The following DPYSL5 variants were observed in gnomAD, a reference collection of about 807,000 sequenced individuals.
DPYSL5 encodes dihydropyrimidinase-related protein 5.
DPYSL5 carries 9 observed loss-of-function variants against 58.4 expected under a neutral mutation model. The ratio of observed to expected loss-of-function variants is 0.15; its 90% CI spans 0.09 to 0.27. The LOEUF (loss-of-function observed/expected upper bound fraction) is 0.27, where lower values mean the gene tolerates loss of function less well. DPYSL5 is among the 10% of genes least tolerant of loss of function. The pLI is 1.00. For missense variants in DPYSL5, 499 were observed against 770.6 expected (o/e 0.65, Z 4.17); for synonymous variants, 293 against 301.9 (o/e 0.97, Z 0.31).
At chr2:26,873,893 A>C (rs1298883163) in intron 1 of DPYSL5, among the ~76,000 whole-genome samples, 1 of 152,212 alleles carries the variant, frequency 6.6e-6, no homozygotes, top group Non-Finnish European at 1.5e-5. Context: ...CTTAACAGCT[A>C]TCTGGGCATC....
At chr2:26,857,552 GA>G (rs1418446757) in intron 1 of DPYSL5, among the ~76,000 whole-genome samples, 1 of 150,148 alleles carries the variant, frequency 6.7e-6, no homozygotes, top group Non-Finnish European at 1.5e-5. Flanking sequence ...AAAAAAAAAA[GA>G]AAAAAAATCC....
At chr2:26,906,586 C>T (rs1428681491) in intron 2 of DPYSL5, among the ~76,000 whole-genome samples, 2 of 152,176 alleles carry the variant, frequency 1.3e-5, no homozygotes, top group African/African-American at 4.8e-5. Context: ...ATCTTATTCA[C>T]AAGATCCCTC....
rs1012336776 is a variant in DPYSL5, at chr2:26,858,450, C to T, written c.-5+10196C>T. 4.6e-5 allele frequency among the ~76,000 whole-genome samples: 7 copies of T among 152,300 alleles called. No homozygotes were observed. The East Asian group carries it at 1.2e-3, about 25-fold the overall frequency. On this transcript the variant is annotated intron_variant, in intron 1 of 12. Transcript: ENST00000288699. ...CCTCCCAAAGTGCTGGGATTACAGG[C>T]GTGAGCCACCGCACCCAGCCCAGAC...
chr2:26,937,779 T>TTTGA (rs1283855190), intron 8 of DPYSL5, among the ~76,000 whole-genome samples: 1 of 151,830 alleles, frequency 6.6e-6, no homozygotes, highest in East Asian at 1.9e-4. Flanking sequence ...TGTTTGTTTG[T>TTTGA]TGAGCCAGGG....
intron 1 of DPYSL5, among the ~76,000 whole-genome samples, chr2:26,874,481 G>A (rs189874584): frequency 1.1e-3 from 171 of 152,126 alleles, no homozygotes; most frequent in Non-Finnish European, 1.6e-3. Context: ...ACTCTTTCCC[G>A]CATTGAATTA....
At chr2:26,866,729 CTTCT>C (rs1199798600) in intron 1 of DPYSL5, among the ~76,000 whole-genome samples, 1,775 of 147,258 alleles carry the variant, frequency 0.012, 32 homozygotes, top group African/African-American at 0.043. Context: ...AAAAATTCTT[CTTCT>C]TTTTTTTTTT....
chr2:26,921,545 C>T (rs1366303375), intron 2 of DPYSL5, among the ~76,000 whole-genome samples: 1 of 152,166 alleles, frequency 6.6e-6, no homozygotes, highest in East Asian at 1.9e-4. Flanking sequence ...AGGTCTGTCA[C>T]ATCTGTGATA....
intron 1 of DPYSL5, among the ~76,000 whole-genome samples, chr2:26,861,846 G>A (rs1410944323): frequency 6.6e-6 from 1 of 152,150 alleles, no homozygotes; most frequent in African/African-American, 2.4e-5. Context: ...GATACAACAG[G>A]GGTGATGGGA....
rs1665134290 is a variant in DPYSL5 at position 26,934,931 on chromosome 2, C to G, written c.947+197C>G. ...ATGACCGCTTGATATGGAGTGAGAT[C>G]TTCTGAAGTATAAGAGTGAAGAGCA... On this transcript the variant is annotated intron_variant, in intron 8 of 12. Transcript: ENST00000288699. The surrounding 1 kb of genome is among the most constrained non-coding windows in gnomAD (Gnocchi z 4.3). Among the ~76,000 whole-genome samples the G allele has an allele frequency of 6.6e-6, 1 of 152,192 alleles. No homozygotes were observed. The highest frequency in any genetic ancestry group is 6.5e-5 in the Admixed American group (1 of 15,272).
At position 26,942,684 on chromosome 2, in the gene DPYSL5, C is replaced by CG; in HGVS notation, c.1376dup (p.Lys460GlnfsTer26). 1 of 1,614,066 alleles carries CG rather than the reference C, an allele frequency of 6.2e-7. No homozygotes were observed. Among genetic ancestry groups the CG allele is most frequent in the Non-Finnish European group, 8.5e-7 (1 of 1,180,016 alleles). ...GCGTCTTCATGTGCGCCGAGGGCACCGGCAAGTTCTGTCCCCTGAGGTCCT... is the reference window on the plus strand; with the variant it reads ...GCGTCTTCATGTGCGCCGAGGGCACCGGGCAAGTTCTGTCCCCTGAGGTCCT... On this transcript the variant is annotated frameshift_variant, in exon 11 of 13. Coordinates refer to ENST00000288699, the MANE Select transcript of DPYSL5 (RefSeq NM_020134.4). LOFTEE classifies it high-confidence loss of function. This position sits in a 1 kb window ranked among gnomAD's most constrained non-coding sequence, Gnocchi z 5.9.
At chr2:26,879,255 A>G (rs1271693547) in intron 1 of DPYSL5, among the ~76,000 whole-genome samples, 5 of 152,098 alleles carry the variant, frequency 3.3e-5, no homozygotes, top group African/African-American at 1.2e-4. Flanking sequence ...GACAGAGGAG[A>G]AATTGATTTA....
In DPYSL5 at chr2:26,944,693, TG is replaced by T; in HGVS notation, c.1483del (p.Asp495MetfsTer31). 6.2e-7 allele frequency: 1 copy of T among 1,614,114 alleles called. No homozygotes were observed. Among genetic ancestry groups the T allele is most frequent in the Non-Finnish European group, 8.5e-7 (1 of 1,179,998 alleles). ...AGAGGAGTGGACCGCACTCCCTACC[TG>T]GGGGATGTCGCTGTTGTCGTGCACC... ...KVRGVDRTPYLGDVAVVVHPG... is the reference protein window; with the variant it reads ...KVRGVDRTPYXGDVAVVVHPG... On this transcript the variant is annotated frameshift_variant, in exon 12 of 13. Coordinates refer to ENST00000288699, the MANE Select transcript of DPYSL5 (RefSeq NM_020134.4). LOFTEE classifies it high-confidence loss of function. This position sits in a 1 kb window ranked among gnomAD's most constrained non-coding sequence, Gnocchi z 4.4.
intron 1 of DPYSL5, among the ~76,000 whole-genome samples, chr2:26,889,591 TG>T (rs1438025444): frequency 6.6e-6 from 1 of 152,036 alleles, no homozygotes; most frequent in African/African-American, 2.4e-5. Flanking sequence ...TACTTCTTTC[TG>T]ACCACAACCT....
intron 8 of DPYSL5, among the ~76,000 whole-genome samples, chr2:26,937,591 G>T (rs1665211705): frequency 6.6e-6 from 1 of 151,372 alleles, no homozygotes; most frequent in Non-Finnish European, 1.5e-5. Context: ...GAATAAAAAA[G>T]TACAATCTAT....
At chr2:26,887,074 T>G (rs2148128481) in intron 1 of DPYSL5, among the ~76,000 whole-genome samples, 1 of 152,366 alleles carries the variant, frequency 6.6e-6, no homozygotes, top group African/African-American at 2.4e-5. Flanking sequence ...CCATTAGGCT[T>G]GGCTTAGATG....
rs903052149 is a variant in DPYSL5 at position 26,849,653 on chromosome 2, G to C, written c.-5+1399G>C. 3.9e-5 allele frequency among the ~76,000 whole-genome samples: 6 copies of C among 152,334 alleles called. No homozygotes were observed. Among genetic ancestry groups the C allele is most frequent in the Non-Finnish European group, 7.4e-5 (5 of 68,024 alleles). On this transcript the variant is annotated intron_variant, in intron 1 of 12. Transcript: ENST00000288699. This position sits in a 1 kb window ranked among gnomAD's most constrained non-coding sequence, Gnocchi z 6.2. ...CTGCCAGGGAGGCGGATCTCCCTTC[G>C]GGGAGACCCGGAGAACAATAGCCGA...
At chr2:26,928,005 A>G (rs1029325932) in intron 4 of DPYSL5, among the ~76,000 whole-genome samples, 1 of 152,208 alleles carries the variant, frequency 6.6e-6, no homozygotes, top group African/African-American at 2.4e-5. Flanking sequence ...TAGTTATAAT[A>G]CTTAACTGTA....
At chr2:26,880,173 G>A (rs1198637154) in intron 1 of DPYSL5, among the ~76,000 whole-genome samples, 10 of 152,200 alleles carry the variant, frequency 6.6e-5, no homozygotes, top group Non-Finnish European at 1.5e-5. Context: ...TACAGGCAGA[G>A]CCATCACTGT....
chr2:26,931,664 G>C lies in DPYSL5; in HGVS notation c.694G>C (p.Val232Leu). 6.2e-7 allele frequency: 1 copy of C among 1,614,024 alleles called. No individual in the cohort carries two copies. The highest frequency in any genetic ancestry group is 8.5e-7 in the Non-Finnish European group (1 of 1,179,964). The change falls in exon 6 of 13, where the codon GTT becomes CTT. Residue 232 changes from valine (V) to leucine (L), a missense_variant. By Grantham distance (32) the Val-to-Leu change is conservative. Transcript: ENST00000288699. ...GCTGGAAGCTGAAGCCACTCATCGTGTTATCACCATTGCAAACAGGGTAAG... is the reference window on the plus strand; with the variant it reads ...GCTGGAAGCTGAAGCCACTCATCGTCTTATCACCATTGCAAACAGGGTAAG... ...EELEAEATHR[V>L]ITIANRTHCP... is the part of the protein sequence containing the mutation.
Sources: allele counts gnomAD v4.1 joint callset (sites outside exome capture counted in the v4.1 genomes callset), GRCh38; gene constraint gnomAD v4.1.1; non-coding constraint Gnocchi (gnomAD v3.1); transcripts MANE v1.5; gene names NCBI Gene and HGNC (gene_info 2026-07-23, HGNC 2026-07-21).